ARHGEF16: variants seen among roughly 807,000 people sequenced by gnomAD.
ARHGEF16 encodes Rho guanine exchange factor (GEF) 16.
Under a neutral mutation model 74.1 loss-of-function variants are expected in ARHGEF16, and 59 were observed. The ratio of observed to expected loss-of-function variants is 0.80; its 90% CI spans 0.65 to 0.99. The LOEUF (loss-of-function observed/expected upper bound fraction) is 0.99, where lower values mean the gene tolerates loss of function less well. Ranked by LOEUF, ARHGEF16 falls within the 50% of genes least tolerant of loss-of-function variation. The probability of loss-of-function intolerance (pLI) is 0.00; values close to 1 mark genes in which losing one functional copy is unlikely to be tolerated. For missense variants in ARHGEF16, 948 were observed against 986.6 expected, an observed-to-expected ratio of 0.96 and a Z score of 0.52; for synonymous variants, 415 against 412.6, an observed-to-expected ratio of 1.01 and a Z score of -0.07.
rs1413849671 is a variant in ARHGEF16, at chr1:3,468,739, A to T, written c.805-141A>T. 1.1e-5 allele frequency: 9 copies of T among 853,710 alleles called. No homozygotes were observed. The East Asian group carries it at 2.1e-4, about 20-fold the overall frequency. 52.9% of individuals were successfully genotyped at this position (853,710 alleles called of 1,614,324 possible). A position where few individuals can be genotyped will look rare whatever the true frequency, so the allele number is the denominator to read the frequency against. Reference sequence around the variant, plus strand: ...GATAGGCCCTCGGCAGGACAGGCCTACTCCAGGATCGGACCTACCTGAGCC... The same window carrying T: ...GATAGGCCCTCGGCAGGACAGGCCTTCTCCAGGATCGGACCTACCTGAGCC... On this transcript the variant is annotated intron_variant, in intron 4 of 14. Coordinates refer to ENST00000378378, the MANE Select transcript of ARHGEF16 (RefSeq NM_014448.4).
intron 2 of ARHGEF16, chr1:3,465,917 C>T: frequency 3.6e-6 from 2 of 558,318 alleles, no homozygotes; most frequent in South Asian, 2.2e-5. Context: ...ATGAGTTCAA[C>T]CCTTCCTCCT....
intron 9 of ARHGEF16, 114 bp from the exon 10 acceptor site, chr1:3,475,856 C>T (rs1639855389): frequency 6.9e-6 from 7 of 1,014,164 alleles, no homozygotes; most frequent in Middle Eastern, 6.3e-4. Context: ...CCAGGGCAGG[C>T]ACTGTGGGCA....
intron 10 of ARHGEF16, 40 bp downstream of exon 10, chr1:3,476,102 C>T (rs1639864883): frequency 6.5e-7 from 1 of 1,537,060 alleles, no homozygotes; most frequent in Non-Finnish European, 8.8e-7. Context: ...GGACCACTTC[C>T]CACTCAGCCC....
intron 1 of ARHGEF16, among the ~76,000 whole-genome samples, chr1:3,462,744 G>A (rs1413026699): frequency 1.3e-5 from 2 of 152,218 alleles, no homozygotes; most frequent in Admixed American, 1.3e-4. Flanking sequence ...ATCAGAGGAA[G>A]CAGTGTGGCC....
intron 8 of ARHGEF16, 25 bp downstream of exon 8, chr1:3,473,547 G>C (rs1259419858): frequency 1.2e-6 from 2 of 1,602,284 alleles, no homozygotes; most frequent in Admixed American, 1.7e-5. Flanking sequence ...TGAGGGTGGG[G>C]CCGGGCATAC....
At chr1:3,467,937 T>C (rs1009587401) in intron 4 of ARHGEF16, among the ~76,000 whole-genome samples, 1 of 151,974 alleles carries the variant, frequency 6.6e-6, no homozygotes, top group Non-Finnish European at 1.5e-5. Context: ...CCCCCACCTG[T>C]GGTACAATGG....
At position 3,475,987 on chromosome 1, in the gene ARHGEF16, C is replaced by T. The variant is rs534872391; in HGVS notation, c.1398C>T (p.Asn466=). Residue 466 remains asparagine, a synonymous_variant, in exon 10 of 15, where the codon AAC becomes AAT. Transcript: ENST00000378378. ...CCCTGCAGCTGGTGAGGCAGTGCAA[C>T]GAGGGGGCCCACAGGATGGAGCGCA... The part of the protein sequence containing the change: ...KAISKLVRQC[N]EGAHRMERME... 41 of 1,554,414 alleles carry T rather than the reference C, an allele frequency of 2.6e-5. No homozygotes were observed. Among genetic ancestry groups the T allele is most frequent in the Non-Finnish European group, 3.4e-5 (39 of 1,149,102 alleles).
rs1045097534 is a variant in ARHGEF16 at position 3,467,304 on chromosome 1, G to T, written c.771G>T (p.Arg257=). Residue 257 remains arginine, a synonymous_variant, in exon 4 of 15, where the codon CGG becomes CGT. Transcript: ENST00000378378. ...VDATIVVKSY[R]PAQVTWSQLP... ...CCACCATTGTGGTCAAGAGCTACCGGCCCGCCCAGGTCACCTGGAGCCAGC... is the reference window on the plus strand; with the variant it reads ...CCACCATTGTGGTCAAGAGCTACCGTCCCGCCCAGGTCACCTGGAGCCAGC... 1.9e-6 allele frequency: 3 copies of T among 1,549,912 alleles called. No homozygotes were observed. The highest frequency in any genetic ancestry group is 2.7e-5 in the African/African-American group (2 of 73,028).
chr1:3,473,105 C>T lies in ARHGEF16; in HGVS notation c.1050C>T (p.His350=). 6.2e-7 allele frequency: 1 copy of T among 1,613,266 alleles called. No individual in the cohort carries two copies. The highest frequency in any genetic ancestry group is 8.5e-7 in the Non-Finnish European group (1 of 1,179,910). ...TCTTCGAGGACCTGGAGCAGCGGCACAAGGCCCAGGTGCTGGTCGAGGACA... is the reference window on the plus strand; with the variant it reads ...TCTTCGAGGACCTGGAGCAGCGGCATAAGGCCCAGGTGCTGGTCGAGGACA... The part of the protein sequence containing the change: ...QRFFEDLEQR[H]KAQVLVEDIS... The change falls in exon 7 of 15, where the codon CAC becomes CAT. Residue 350 remains histidine (H), a synonymous_variant. Coordinates refer to ENST00000378378, the MANE Select transcript of ARHGEF16 (RefSeq NM_014448.4).
intron 12 of ARHGEF16, 23 bp downstream of exon 12, chr1:3,478,635 T>C: frequency 1.3e-6 from 2 of 1,586,642 alleles, no homozygotes; most frequent in African/African-American, 1.3e-5. Flanking sequence ...CCGGGAGGGC[T>C]GTTCCCAGGC....
At chr1:3,468,379 C>A (rs541235713) in intron 4 of ARHGEF16, among the ~76,000 whole-genome samples, 67 of 152,286 alleles carry the variant, frequency 4.4e-4, no homozygotes, top group African/African-American at 1.5e-3. Context: ...CTCTACCAAT[C>A]GAGCCACACT....
Position 3,479,312 on chromosome 1 carries a change from G to A in ARHGEF16, c.1815-205G>A, listed in dbSNP as rs12057221. ...AGGTCCAGCAGGCTGGGGTCTGGGT[G>A]TGTGGCCACTACCCAACTCTGTGAC... On this transcript the variant is annotated intron_variant, in intron 12 of 14. Coordinates refer to ENST00000378378, the MANE Select transcript of ARHGEF16 (RefSeq NM_014448.4). Among the ~76,000 whole-genome samples, 224 of 152,286 alleles carry A rather than the reference G, an allele frequency of 1.5e-3. 1 individual carries two copies. Among genetic ancestry groups the A allele is most frequent in the African/African-American group, 5.0e-3 (208 of 41,560 alleles).
intron 1 of ARHGEF16, among the ~76,000 whole-genome samples, chr1:3,461,436 G>A (rs965452769): frequency 3.3e-5 from 5 of 152,230 alleles, no homozygotes; most frequent in African/African-American, 7.2e-5. Context: ...ACTGAGGCAC[G>A]GAGAGGCAGC....
intron 1 of ARHGEF16, among the ~76,000 whole-genome samples, chr1:3,460,229 G>A (rs920231993): frequency 3.3e-5 from 5 of 152,188 alleles, no homozygotes; most frequent in Admixed American, 6.5e-5. Context: ...GCTCTGGCTC[G>A]CCTGACAGGT....
At chr1:3,455,363 C>G (rs987021735) in intron 1 of ARHGEF16, among the ~76,000 whole-genome samples, 5 of 152,058 alleles carry the variant, frequency 3.3e-5, no homozygotes, top group African/African-American at 9.7e-5. Context: ...GCCCCTCCCC[C>G]ACCCTTGACC....
intron 6 of ARHGEF16, chr1:3,471,767 G>C (rs771821307): frequency 8.7e-7 from 1 of 1,151,240 alleles, no homozygotes; most frequent in African/African-American, 1.7e-5. Flanking sequence ...ACAGTGAACT[G>C]TCTGGGGAAT....
chr1:3,476,206 G>C, intron 10 of ARHGEF16, 144 bp downstream of exon 10: 1 of 828,552 alleles, frequency 1.2e-6, no homozygotes, highest in Non-Finnish European at 1.9e-6. Flanking sequence ...GGGCCTCCTA[G>C]GGCTGGTGGC....
At position 3,467,197 on chromosome 1, in the gene ARHGEF16, C is replaced by T. The variant is rs994020413; in HGVS notation, c.664C>T (p.Arg222Trp). 8 of 1,550,458 alleles carry T rather than the reference C, an allele frequency of 5.2e-6. No individual in the cohort carries two copies. The highest frequency in any genetic ancestry group is 1.7e-4 in the Middle Eastern group (1 of 6,008). ...DPQLYQEIQE[R>W]GLNTSQESDD... ...CCAGCTCTACCAGGAGATCCAGGAG[C>T]GGGGCCTGAACACCAGCCAGGAGTC... Residue 222 changes from arginine (R) to tryptophan (W), a missense_variant, in exon 4 of 15, where the codon CGG (arginine) becomes TGG (tryptophan). Physicochemically the swap from Arg to Trp is moderately radical, Grantham distance 101 (BLOSUM62 -3). Coordinates refer to ENST00000378378, the MANE Select transcript of ARHGEF16 (RefSeq NM_014448.4).
chr1:3,455,347 C>G (rs1381380589), intron 1 of ARHGEF16, among the ~76,000 whole-genome samples: 6 of 152,002 alleles, frequency 3.9e-5, no homozygotes, highest in Non-Finnish European at 8.8e-5. Context: ...CAAACCCAAA[C>G]CATACGCCCC....
Sources: allele counts gnomAD v4.1 joint callset (sites outside exome capture counted in the v4.1 genomes callset), GRCh38; gene constraint gnomAD v4.1.1; transcripts MANE v1.5; gene names NCBI Gene and HGNC (gene_info 2026-07-23, HGNC 2026-07-21).